The following CDC20 variants were observed in gnomAD, a reference collection of about 807,000 sequenced individuals.
The protein encoded by CDC20 is cell division cycle 20.
A neutral mutation model predicts 60.0 loss-of-function variants in CDC20; 34 were observed. The observed-to-expected ratio is 0.57, with a 90% CI of 0.43 to 0.75. The LOEUF is 0.75. CDC20 is among the 30% of genes least tolerant of loss of function. CDC20 has a pLI of 0.00. For synonymous variants in CDC20, 198 were observed against 243.5 expected (o/e 0.81, Z 1.74); for missense variants, 469 against 647.3 (o/e 0.72, Z 2.99).
At chr1:43,360,653 A>T in intron 7 of CDC20, 60 bp downstream of exon 7, 2 of 1,562,148 alleles carry the variant, frequency 1.3e-6, no homozygotes, top group Non-Finnish European at 1.8e-6. Context: ...CCTTGACTGT[A>T]CACCCCTGAA....
chr1:43,360,632 G>T (rs1434348159), intron 7 of CDC20, 39 bp downstream of exon 7: 1 of 1,582,336 alleles, frequency 6.3e-7, no homozygotes, highest in Non-Finnish European at 8.7e-7. Flanking sequence ...TCTGATATTT[G>T]CCCACCCTCC....
rs1416133244 is a variant in CDC20, at chr1:43,359,530, T to C, written c.222T>C (p.Pro74=). ...AGGTTCAGACCACTCCTAGCAAACC[T>C]GGCGGTGACCGCTATATCCCCCATC... ...SSKVQTTPSK[P]GGDRYIPHRS... The change falls in exon 3 of 11, where the codon CCT becomes CCC. Residue 74 remains proline, a synonymous_variant. Transcript: ENST00000310955. 1.2e-6 allele frequency: 2 copies of C among 1,614,142 alleles called. No homozygotes were observed. Among genetic ancestry groups the C allele is most frequent in the Admixed American group, 3.3e-5 (2 of 60,026 alleles).
At chr1:43,360,679 C>T in intron 7 of CDC20, 54 bp from the exon 8 acceptor site, 1 of 1,579,970 alleles carries the variant, frequency 6.3e-7, no homozygotes, top group South Asian at 1.1e-5. Context: ...CCAGCTCTGG[C>T]TTGCTTGCAT....
At position 43,363,091 on chromosome 1, in the gene CDC20, G is replaced by A; in HGVS notation, c.1462G>A (p.Ala488Thr). ...ARRREREKAS[A>T]AKSSLIHQGI... ...GCGGCGGGAGCGGGAGAAGGCCAGTGCAGCCAAAAGCAGCCTCATCCACCA... is the reference window on the plus strand; with the variant it reads ...GCGGCGGGAGCGGGAGAAGGCCAGTACAGCCAAAAGCAGCCTCATCCACCA... Residue 488 changes from alanine (A) to threonine (T), a missense_variant, in exon 11 of 11, where the codon GCA becomes ACA. Ala to Thr is a moderately conservative substitution (Grantham distance 58, BLOSUM62 0). Around this residue, in one of 5 missense-constraint regions of CDC20, gnomAD observed 72 missense variants for 77.9 expected, o/e 0.92. Transcript: ENST00000310955. 1 of 1,613,012 alleles carries A rather than the reference G, an allele frequency of 6.2e-7. No individual in the cohort carries two copies. The highest frequency in any genetic ancestry group is 1.1e-5 in the South Asian group (1 of 90,810).
chr1:43,362,064 T>G, intron 9 of CDC20, 131 bp from the exon 10 acceptor site: 1 of 589,838 alleles, frequency 1.7e-6, no homozygotes, highest in South Asian at 2.7e-5. Flanking sequence ...CTCAAGGAAC[T>G]TTTGTATGGA....
At position 43,358,981 on chromosome 1, in the gene CDC20, C is replaced by A. The variant is rs1035041436; in HGVS notation, c.-75C>A. 2 of 590,640 alleles carry A rather than the reference C, an allele frequency of 3.4e-6. No individual in the cohort carries two copies. The highest frequency in any genetic ancestry group is 3.0e-6 in the Non-Finnish European group (1 of 332,452). 36.6% of individuals were successfully genotyped at this position (590,640 alleles called of 1,614,324 possible). On this transcript the variant is annotated 5_prime_UTR_variant, in exon 1 of 11. Coordinates refer to ENST00000310955, the MANE Select transcript of CDC20 (RefSeq NM_001255.3). ...AGGCGTAAGCCAGGCGTGTTAAAGC[C>A]GGTCGGAACTGCTCCGGAGGGCACG...
intron 4 of CDC20, 64 bp downstream of exon 4, chr1:43,359,885 A>G: frequency 1.2e-6 from 2 of 1,609,658 alleles, no homozygotes; most frequent in South Asian, 1.1e-5. Context: ...CTGAGCACAG[A>G]TATCTGTCTC....
Position 43,360,493 on chromosome 1 carries a change from C to T in CDC20, c.754-6C>T, listed in dbSNP as rs761748136. 10 of 1,613,334 alleles carry T rather than the reference C, an allele frequency of 6.2e-6. No homozygotes were observed. In the South Asian group the frequency reaches 1.1e-4, roughly 18 times the overall value. On this transcript the variant is annotated splice_region_variant and splice_polypyrimidine_tract_variant and intron_variant, in intron 6 of 10. Coordinates refer to ENST00000310955, the MANE Select transcript of CDC20 (RefSeq NM_001255.3). ...ATCTCTGATCCTAGTGGGCTTCTCT[C>T]TCTAGCTATGGGATGTGCAGCAGCA...
chr1:43,361,191 C>T lies in CDC20; in HGVS notation c.1149C>T (p.Arg383=), dbSNP rs1647171293. ...TGGGTSDRHI[R]IWNVCSGACL... ...GGGGCACCAGTGATCGACACATTCG[C>T]ATCTGGAATGTGTGCTCTGGGGCCT... Residue 383 remains arginine (R), a synonymous_variant, in exon 9 of 11, where the codon CGC becomes CGT. Coordinates refer to ENST00000310955, the MANE Select transcript of CDC20 (RefSeq NM_001255.3). 1 of 1,613,282 alleles carries T rather than the reference C, an allele frequency of 6.2e-7. No individual in the cohort carries two copies. The highest frequency in any genetic ancestry group is 8.5e-7 in the Non-Finnish European group (1 of 1,179,342).
At chr1:43,362,056 C>T in intron 9 of CDC20, 139 bp from the exon 10 acceptor site, 1 of 565,670 alleles carries the variant, frequency 1.8e-6, no homozygotes, top group South Asian at 3.0e-5. Context: ...ATTTGCCTCT[C>T]AAGGAACTTT....
At position 43,361,176 on chromosome 1, in the gene CDC20, T is replaced by C. The variant is rs1346940349; in HGVS notation, c.1134T>C (p.Ser378=). The stretch of plus-strand genomic sequence containing the variant: ...TCCTGGCAACAGGAGGGGGCACCAG[T>C]GATCGACACATTCGCATCTGGAATG... The part of the protein sequence containing the change: ...SNVLATGGGT[S]DRHIRIWNVC... Residue 378 remains serine (S), a synonymous_variant, in exon 9 of 11, where the codon AGT becomes AGC. Coordinates refer to ENST00000310955, the MANE Select transcript of CDC20 (RefSeq NM_001255.3). 6 of 1,614,012 alleles carry C rather than the reference T, an allele frequency of 3.7e-6. No individual in the cohort carries two copies. The highest frequency in any genetic ancestry group is 5.1e-6 in the Non-Finnish European group (6 of 1,179,938).
In CDC20 at chr1:43,361,122, C is replaced by T. The variant is rs780282020; in HGVS notation, c.1080C>T (p.Ala360=). 8.1e-6 allele frequency: 13 copies of T among 1,613,932 alleles called. No individual in the cohort carries two copies. The highest frequency in any genetic ancestry group is 2.7e-5 in the African/African-American group (2 of 74,880). ...GACCCCACCTTTATTCCATCTAGGC[C>T]GTAGCATGGTGTCCCTGGCAGTCCA... The part of the protein sequence containing the change: ...TFTQHQGAVK[A]VAWCPWQSNV... Residue 360 remains alanine (A), a splice_region_variant and synonymous_variant, in exon 9 of 11, where the codon GCC becomes GCT. Transcript: ENST00000310955.
rs1299158006 is a variant in CDC20, at chr1:43,359,263, G to A, written c.48G>A (p.Leu16=). 1.9e-6 allele frequency: 3 copies of A among 1,611,998 alleles called. No individual in the cohort carries two copies. The Admixed American group carries it at 5.0e-5, about 27-fold the overall frequency. ...GTGACCTGCACTCGCTGCTTCAGCT[G>A]GATGCACCCATCCCCAATGCACCCC... is the stretch of plus-strand genomic sequence containing the variant. ...FESDLHSLLQ[L]DAPIPNAPPA... is the part of the protein sequence containing the mutation. The change falls in exon 2 of 11, where the codon CTG becomes CTA. Residue 16 remains leucine, a synonymous_variant. Transcript: ENST00000310955.
chr1:43,360,598 G>C lies in CDC20; in HGVS notation c.848+5G>C. On this transcript the variant is annotated splice_donor_5th_base_variant and intron_variant, in intron 7 of 10. Coordinates refer to ENST00000310955, the MANE Select transcript of CDC20 (RefSeq NM_001255.3). ...GAACAGCTATATCCTGTCCAGGTCAGTGGTTTTTGTTGGTCTATGGTAGTC... is the reference window on the plus strand; with the variant it reads ...GAACAGCTATATCCTGTCCAGGTCACTGGTTTTTGTTGGTCTATGGTAGTC... 6.2e-7 allele frequency: 1 copy of C among 1,612,630 alleles called. No homozygotes were observed. The highest frequency in any genetic ancestry group is 8.5e-7 in the Non-Finnish European group (1 of 1,178,574).
In CDC20 at chr1:43,363,062, C is replaced by A. The variant is rs200349485; in HGVS notation, c.1433C>A (p.Ala478Glu). The change falls in exon 11 of 11, where the codon GCG (alanine) becomes GAG (glutamate). Residue 478 changes from alanine to glutamate, a missense_variant. Ala to Glu is a moderately radical substitution (Grantham distance 107). This residue lies in a region of CDC20 where 72 missense variants were observed against 77.9 expected (regional missense o/e 0.92). Transcript: ENST00000310955. ...TGGCGCTGTTTTGAGTTGGACCCTGCGCGGCGGCGGGAGCGGGAGAAGGCC... is the reference window on the plus strand; with the variant it reads ...TGGCGCTGTTTTGAGTTGGACCCTGAGCGGCGGCGGGAGCGGGAGAAGGCC... The part of the protein sequence containing the change: ...RLWRCFELDP[A>E]RRREREKASA... 1 of 1,613,328 alleles carries A rather than the reference C, an allele frequency of 6.2e-7. No homozygotes were observed. Among genetic ancestry groups the A allele is most frequent in the Non-Finnish European group, 8.5e-7 (1 of 1,179,844 alleles).
Position 43,360,403 on chromosome 1 carries a change from A to C in CDC20, c.753+14A>C. On this transcript the variant is annotated intron_variant, in intron 6 of 10. Transcript: ENST00000310955. Reference sequence around the variant, plus strand: ...GCTGAGGTGCAGGTGAGACGTGTCCAGTGCTGTCATTCTCACCAGTCCCAA... The same window carrying C: ...GCTGAGGTGCAGGTGAGACGTGTCCCGTGCTGTCATTCTCACCAGTCCCAA... 1.2e-6 allele frequency: 2 copies of C among 1,613,580 alleles called. No homozygotes were observed. Among genetic ancestry groups the C allele is most frequent in the Non-Finnish European group, 1.7e-6 (2 of 1,179,448 alleles).
chr1:43,361,585 C>T (rs1404419478), intron 9 of CDC20, among the ~76,000 whole-genome samples: 2 of 152,178 alleles, frequency 1.3e-5, no homozygotes, highest in Non-Finnish European at 2.9e-5. Context: ...ATCAGTTTTA[C>T]CTCAAAATAT....
In CDC20 at chr1:43,362,275, G is replaced by A; in HGVS notation, c.1284G>A (p.Trp428Ter). ...HGFAQNQLVIWKYPTMAKVAE... is the reference protein window; with the variant it reads ...HGFAQNQLVI ...TTGCACAGAACCAGCTAGTTATTTG[G>A]AAGTACCCAACCATGGCCAAGGTGG... Residue 428 changes from tryptophan (W) to a stop codon, truncating the protein, a stop_gained, in exon 10 of 11, where the codon TGG (tryptophan) becomes TGA (stop). Transcript: ENST00000310955. LOFTEE classifies it high-confidence loss of function. 6.2e-7 allele frequency: 1 copy of A among 1,605,496 alleles called. No homozygotes were observed. Among genetic ancestry groups the A allele is most frequent in the Admixed American group, 1.7e-5 (1 of 60,014 alleles).
chr1:43,363,185 T>A lies in CDC20; in HGVS notation c.*56T>A. The A allele has an allele frequency of 1.3e-6, 2 of 1,522,742 alleles. No homozygotes were observed. The highest frequency in any genetic ancestry group is 1.2e-5 in the South Asian group (1 of 83,862). The allele number at this position is 1,522,742 out of a possible 1,614,324, so 94.3% of individuals were successfully genotyped here. On this transcript the variant is annotated 3_prime_UTR_variant, in exon 11 of 11. Coordinates refer to ENST00000310955, the MANE Select transcript of CDC20 (RefSeq NM_001255.3). ...TTTTTCTAATAAAGTCATGTCTCCC[T>A]TCATGTTTTTTTTTTAAATCTGTTT...
Sources: gnomAD v4.1 joint callset for allele counts (sites outside exome capture counted in the v4.1 genomes callset) on GRCh38, gnomAD v4.1.1 for gene constraint, gnomAD v4.1.1 regional missense constraint, MANE v1.5 for transcripts, NCBI Gene and HGNC (gene_info 2026-07-23, HGNC 2026-07-21) for gene names.